Variants in SMCO2 observed in about 807,000 individuals in gnomAD.
The protein encoded by SMCO2 is single-pass membrane protein with coiled-coil domains 2.
A neutral mutation model predicts 29.5 loss-of-function variants in SMCO2; 25 were observed. The ratio of observed to expected loss-of-function variants is 0.85; its 90% CI spans 0.62 to 1.18. The LOEUF (loss-of-function observed/expected upper bound fraction) is 1.18. Among genes scored for constraint, SMCO2 ranks in the 50% most tolerant of loss-of-function variants. The pLI, the probability that SMCO2 is intolerant of heterozygous loss-of-function variation, is 0.00. For synonymous variants in SMCO2, 117 were observed against 123.3 expected, an observed-to-expected ratio of 0.95 and a Z score of 0.34; for missense variants, 348 against 344.5, an observed-to-expected ratio of 1.01 and a Z score of -0.08.
At chr12:27,487,753 CTT>C (rs143131425) in intron 4 of SMCO2, among the ~76,000 whole-genome samples, 70 of 129,320 alleles carry the variant, frequency 5.4e-4, no homozygotes, top group Non-Finnish European at 6.9e-4. Flanking sequence ...TCTTTTCTTT[CTT>C]TTTTTTTTTT....
At chr12:27,426,214 A>G in the SMCO2 span, among the ~76,000 whole-genome samples, 1 of 152,228 alleles carries the variant, frequency 6.6e-6, no homozygotes, top group Admixed American at 6.5e-5. Context: ...TAGGATGGCA[A>G]GAACTTGAGG....
At chr12:27,423,925 A>G in the SMCO2 span, 2 of 152,196 alleles carry the variant, frequency 1.3e-5, no homozygotes, top group Admixed American at 6.5e-5. Context: ...AGCACTTGCA[A>G]TGTGGCTAGT....
At chr12:27,476,173 G>T (rs1375539809) in intron 4 of SMCO2, among the ~76,000 whole-genome samples, 2 of 152,146 alleles carry the variant, frequency 1.3e-5, no homozygotes, top group Non-Finnish European at 2.9e-5. Flanking sequence ...ATTTTCCAAA[G>T]TTCCTCTTGG....
the SMCO2 span, among the ~76,000 whole-genome samples, chr12:27,435,304 G>A: frequency 3.8e-4 from 1 of 2,634 alleles, no homozygotes; most frequent in African/African-American, 2.4e-3. Flanking sequence ...CCCCCCCCCG[G>A]CAATTGTGAC....
the SMCO2 span, among the ~76,000 whole-genome samples, chr12:27,456,046 T>C: frequency 1.3e-5 from 2 of 152,158 alleles, no homozygotes; most frequent in Admixed American, 6.5e-5. Flanking sequence ...CGAAACCCCA[T>C]TTCTACTAAA....
intron 4 of SMCO2, 58 bp from the exon 6 acceptor site, chr12:27,488,402 T>C: frequency 8.4e-7 from 1 of 1,191,586 alleles, no homozygotes; most frequent in Non-Finnish European, 1.1e-6. Context: ...CAAAATTACC[T>C]CCTCTCTTGG....
At chr12:27,473,097 G>A (rs1949555226) in intron 3 of SMCO2, 2 of 439,474 alleles carry the variant, frequency 4.6e-6, no homozygotes, top group African/African-American at 2.0e-5. Context: ...GCCTTCCCAT[G>A]CGAACAAAAA....
At chr12:27,473,632 A>C (rs1343688700) in intron 3 of SMCO2, among the ~76,000 whole-genome samples, 1 of 152,226 alleles carries the variant, frequency 6.6e-6, no homozygotes, top group Non-Finnish European at 1.5e-5. Flanking sequence ...TGGCCATGTG[A>C]GAATGAAAAT....
At chr12:27,500,969 A>G (rs924259318) in intron 7 of SMCO2, among the ~76,000 whole-genome samples, 2 of 150,638 alleles carry the variant, frequency 1.3e-5, no homozygotes, top group Non-Finnish European at 2.9e-5. Context: ...TAATTGGATG[A>G]TCTATGACAT....
At chr12:27,491,600 T>C (rs1242370648) in intron 5 of SMCO2, among the ~76,000 whole-genome samples, 2 of 152,102 alleles carry the variant, frequency 1.3e-5, no homozygotes, top group Non-Finnish European at 2.9e-5. Context: ...TACTTGAGGG[T>C]AAATATTCTT....
intron 1 of SMCO2, among the ~76,000 whole-genome samples, chr12:27,468,754 C>A (rs1439999759): frequency 1.3e-5 from 2 of 152,160 alleles, no homozygotes; most frequent in Non-Finnish European, 2.9e-5. Context: ...AGCTCTGAGT[C>A]CTGGCTTTAC....
At chr12:27,481,366 G>A (rs1949641989) in intron 4 of SMCO2, among the ~76,000 whole-genome samples, 1 of 152,238 alleles carries the variant, frequency 6.6e-6, no homozygotes, top group African/African-American at 2.4e-5. Context: ...GTTGAATGTG[G>A]ACCACTAGGG....
At chr12:27,467,035 G>T (rs907053591) in intron 1 of SMCO2, 2 of 152,058 alleles carry the variant, frequency 1.3e-5, no homozygotes, top group African/African-American at 4.8e-5. Context: ...CTATAGTGAC[G>T]TCGAATCCCT....
the SMCO2 span, among the ~76,000 whole-genome samples, chr12:27,445,964 C>T: frequency 0.022 from 3,408 of 151,536 alleles, 131 homozygotes; most frequent in African/African-American, 0.078. Flanking sequence ...AGTGCAATGG[C>T]GTGATCTCAG....
chr12:27,424,588 GC>G, the SMCO2 span: 1 of 152,200 alleles, frequency 6.6e-6, no homozygotes, highest in Non-Finnish European at 1.5e-5. Flanking sequence ...AAAATCTGGG[GC>G]ACAGGTACAA....
upstream of SMCO2, among the ~76,000 whole-genome samples, chr12:27,466,199 A>C (rs935604257): frequency 6.6e-6 from 1 of 152,170 alleles, no homozygotes; most frequent in Non-Finnish European, 1.5e-5. Context: ...AGATGGGTGG[A>C]TCCCTTGAGG....
intron 5 of SMCO2, among the ~76,000 whole-genome samples, chr12:27,492,353 T>C (rs1411635573): frequency 6.6e-6 from 1 of 152,214 alleles, no homozygotes; most frequent in Non-Finnish European, 1.5e-5. Flanking sequence ...CGTTACAAAC[T>C]ATGCCTCAAA....
At chr12:27,465,382 A>G (rs1949490893), upstream of SMCO2, among the ~76,000 whole-genome samples, 3 of 152,222 alleles carry the variant, frequency 2.0e-5, no homozygotes. Flanking sequence ...GAGGTCACCC[A>G]GGACAACCAA....
At chr12:27,437,146 C>T in the SMCO2 span, among the ~76,000 whole-genome samples, 10 of 152,160 alleles carry the variant, frequency 6.6e-5, no homozygotes, top group African/African-American at 2.4e-4. Flanking sequence ...TATCTCACAC[C>T]TGTAATTCCA....
Sources: gnomAD v4.1 joint callset for allele counts (sites outside exome capture counted in the v4.1 genomes callset) on GRCh38, gnomAD v4.1.1 for gene constraint, MANE v1.5 for transcripts, NCBI Gene and HGNC (gene_info 2026-07-23, HGNC 2026-07-21) for gene names.